Variants in ABCA10 observed in about 807,000 individuals in gnomAD.
The protein encoded by ABCA10 is ATP binding cassette subfamily A member 10.
ABCA10 carries 169 observed loss-of-function variants against 187.5 expected under a neutral mutation model. That is an observed-to-expected ratio of 0.90 (90% confidence interval 0.80 to 1.02). The LOEUF is 1.02. ABCA10 is among the 50% of genes least tolerant of loss of function. The pLI, the probability that ABCA10 is intolerant of heterozygous loss-of-function variation, is 0.00. For synonymous variants in ABCA10, 574 were observed against 601.8 expected (o/e 0.95, Z 0.68); for missense variants, 1,727 against 1,812.4 (o/e 0.95, Z 0.86).
chr17:69,211,616 T>C (rs1014306842), intron 9 of ABCA10, among the ~76,000 whole-genome samples: 8 of 150,998 alleles, frequency 5.3e-5, no homozygotes, highest in Non-Finnish European at 1.2e-4. Context: ...TCCTGGACTC[T>C]TTGGGGGCGG....
intron 1 of ABCA10, among the ~76,000 whole-genome samples, chr17:69,236,504 T>C (rs902619539): frequency 6.6e-6 from 1 of 152,190 alleles, no homozygotes; most frequent in Non-Finnish European, 1.5e-5. Context: ...ATTACAAGAT[T>C]AGAATCGAAA....
At chr17:69,205,642 C>T (rs969252005) in intron 9 of ABCA10, among the ~76,000 whole-genome samples, 2 of 152,168 alleles carry the variant, frequency 1.3e-5, no homozygotes, top group African/African-American at 4.8e-5. Context: ...GTTTTGGCAC[C>T]TCTAAGATGT....
rs148025226 is a variant in ABCA10 at position 69,174,378 on chromosome 17, C to A, written c.3065G>T (p.Gly1022Val). The change falls in exon 25 of 39, where the codon GGT becomes GTT. Residue 1022 changes from glycine to valine, a missense_variant. Coordinates refer to ENST00000690296, the MANE Select transcript of ABCA10 (RefSeq NM_001377321.1). ...GAGGAATATAAGAGAAACTGCACAA[C>A]CAATTATGCATACCACCTGCAAATA... ...LMFVLVVCIIGCAVSLIFLTY... is the reference protein window; with the variant it reads ...LMFVLVVCIIVCAVSLIFLTY... The A allele has an allele frequency of 1.9e-6, 3 of 1,595,198 alleles. No homozygotes were observed. Among genetic ancestry groups the A allele is most frequent in the East Asian group, 4.5e-5 (2 of 44,762 alleles).
chr17:69,237,624 C>T (rs115234331), intron 1 of ABCA10, among the ~76,000 whole-genome samples: 204 of 152,242 alleles, frequency 1.3e-3, no homozygotes, highest in African/African-American at 4.5e-3. Context: ...ATCTTGACTG[C>T]GGCTAGTACA....
At chr17:69,209,688 G>A (rs1044459785) in intron 9 of ABCA10, among the ~76,000 whole-genome samples, 7 of 145,622 alleles carry the variant, frequency 4.8e-5, no homozygotes, top group Non-Finnish European at 1.1e-4. Context: ...GTACAGTCAC[G>A]TGTCACTGAA....
Position 69,208,865 on chromosome 17 carries a change from C to T in ABCA10, c.1006+5839G>A, listed in dbSNP as rs769326064. ...CAGCCTGGGCAACGTAGCAAGACCC[C>T]ACCTCTACAAAAAAATTTTTAAAAA... is the stretch of plus-strand genomic sequence containing the variant. On this transcript the variant is annotated intron_variant, in intron 9 of 38. Transcript: ENST00000690296. 4.6e-5 allele frequency among the ~76,000 whole-genome samples: 7 copies of T among 152,152 alleles called. No homozygotes were observed. The South Asian group carries it at 6.2e-4, about 14-fold the overall frequency.
chr17:69,214,719 C>A lies in ABCA10; in HGVS notation c.991G>T (p.Glu331Ter), dbSNP rs1403074494. The change falls in exon 9 of 39, where the codon GAG becomes TAG. Residue 331 changes from glutamate (E) to a stop codon, truncating the protein, a stop_gained. Coordinates refer to ENST00000690296, the MANE Select transcript of ABCA10 (RefSeq NM_001377321.1). LOFTEE classifies it high-confidence loss of function. The part of the protein sequence containing the change: ...LFYLIFTLYF[E>*]RVLPDKDGHG... Reference sequence around the variant, plus strand: ...ATTAACTTACCAGGTAAAACTCGCTCAAAATATAATGTGAATATCAAATAG... The same window carrying A: ...ATTAACTTACCAGGTAAAACTCGCTAAAAATATAATGTGAATATCAAATAG... 8 of 1,507,794 alleles carry A rather than the reference C, an allele frequency of 5.3e-6. No individual in the cohort carries two copies. In the South Asian group the frequency reaches 9.2e-5, roughly 17 times the overall value. 93.4% of individuals were successfully genotyped at this position (1,507,794 alleles called of 1,614,324 possible). A position where few individuals can be genotyped will look rare whatever the true frequency, so the allele number is the denominator to read the frequency against.
At chr17:69,192,053 G>A (rs566263550) in intron 16 of ABCA10, among the ~76,000 whole-genome samples, 5 of 152,294 alleles carry the variant, frequency 3.3e-5, no homozygotes, top group South Asian at 4.1e-4. Context: ...GGCCGGGCGC[G>A]GTGGCTCATG....
chr17:69,190,470 G>C lies in ABCA10; in HGVS notation c.2019C>G (p.Tyr673Ter), dbSNP rs2074451646. The change falls in exon 18 of 39, where the codon TAC becomes TAG. Residue 673 changes from tyrosine (Y) to a stop codon, truncating the protein, a stop_gained. Transcript: ENST00000690296. LOFTEE classifies it high-confidence loss of function. ...GGTCAGAACACTTATCAAGGTCACT[G>C]TAAAGATCTAAAAAGCCAATAGTAA... ...LEKTNKFPDLYSDLDKCSDQG... is the reference protein window; with the variant it reads ...LEKTNKFPDL The C allele has an allele frequency of 6.4e-7, 1 of 1,566,516 alleles. No individual in the cohort carries two copies. The highest frequency in any genetic ancestry group is 1.4e-5 in the African/African-American group (1 of 71,606).
At position 69,225,538 on chromosome 17, in the gene ABCA10, C is replaced by G; in HGVS notation, c.-171-9G>C. The G allele has an allele frequency of 1.8e-6, 1 of 566,844 alleles. No individual in the cohort carries two copies. The highest frequency in any genetic ancestry group is 2.6e-5 in the South Asian group (1 of 38,060). 35.1% of individuals were successfully genotyped at this position (566,844 alleles called of 1,614,324 possible). The stretch of plus-strand genomic sequence containing the variant: ...AATGTTATTGTCCATTCCTCCAGCA[C>G]ACAAAAGAGAAATGAGCCATGTTAT... On this transcript the variant is annotated splice_polypyrimidine_tract_variant and intron_variant, in intron 2 of 38. Transcript: ENST00000690296.
chr17:69,210,237 C>A (rs1449322863), intron 9 of ABCA10, among the ~76,000 whole-genome samples: 1 of 122,672 alleles, frequency 8.2e-6, no homozygotes, highest in Non-Finnish European at 1.6e-5. Context: ...GGCCGGACTG[C>A]GGACTGCAGT....
chr17:69,149,098 A>G lies in ABCA10; in HGVS notation c.4478-10T>C, dbSNP rs2074109372. 1.2e-6 allele frequency: 2 copies of G among 1,613,758 alleles called. No individual in the cohort carries two copies. The highest frequency in any genetic ancestry group is 4.5e-5 in the East Asian group (2 of 44,862). On this transcript the variant is annotated splice_polypyrimidine_tract_variant and intron_variant, in intron 37 of 38. Transcript: ENST00000690296. ...TTGAAGGTCTGTTTCACTGCATGTA[A>G]AGAGACTGACATTAGTGGCTTATAT...
intron 22 of ABCA10, among the ~76,000 whole-genome samples, chr17:69,178,106 T>C (rs2074351304): frequency 6.7e-6 from 1 of 149,422 alleles, no homozygotes; most frequent in Admixed American, 6.7e-5. Flanking sequence ...AGCACTAGAA[T>C]TTAAAACAGA....
chr17:69,180,097 T>A (rs1382212604), intron 22 of ABCA10, among the ~76,000 whole-genome samples: 2 of 152,150 alleles, frequency 1.3e-5, no homozygotes, highest in African/African-American at 4.8e-5. Flanking sequence ...AAAAATAATA[T>A]CTTAGTTGAA....
intron 22 of ABCA10, chr17:69,179,046 CCT>C (rs2074357766): frequency 1.3e-5 from 2 of 152,002 alleles, no homozygotes; most frequent in Admixed American, 1.3e-4. Context: ...TGCATCATCT[CCT>C]CTGTTTTCTG....
intron 25 of ABCA10, among the ~76,000 whole-genome samples, chr17:69,168,344 A>C (rs2074269957): frequency 1.3e-5 from 2 of 152,200 alleles, no homozygotes; most frequent in Admixed American, 6.6e-5. Context: ...TGATTTGAAC[A>C]GGAATCATTC....
intron 20 of ABCA10, among the ~76,000 whole-genome samples, chr17:69,183,405 C>T (rs1195745632): frequency 6.6e-6 from 1 of 152,074 alleles, no homozygotes; most frequent in Admixed American, 6.6e-5. Context: ...ATGATGCAGC[C>T]TCCACATCTG....
chr17:69,228,850 T>C (rs977053616), upstream of ABCA10: 2 of 152,044 alleles, frequency 1.3e-5, no homozygotes, highest in Admixed American at 1.3e-4. Flanking sequence ...CATTGGTATT[T>C]GTTTATTGCT....
chr17:69,179,456 G>A (rs751314463), intron 22 of ABCA10, among the ~76,000 whole-genome samples: 1 of 152,122 alleles, frequency 6.6e-6, no homozygotes, highest in Admixed American at 6.5e-5. Flanking sequence ...CTCTGTGCAG[G>A]GTGAAAGGCT....
Sources: allele counts gnomAD v4.1 joint callset (sites outside exome capture counted in the v4.1 genomes callset), GRCh38; gene constraint gnomAD v4.1.1; transcripts MANE v1.5; gene names NCBI Gene and HGNC (gene_info 2026-07-23, HGNC 2026-07-21).